RRP12: variants seen among roughly 807,000 people sequenced by gnomAD.
RRP12 encodes RRP12-like protein.
A neutral mutation model predicts 157.3 loss-of-function variants in RRP12; 78 were observed. The observed-to-expected ratio is 0.50, with a 90% CI of 0.41 to 0.60. The LOEUF (loss-of-function observed/expected upper bound fraction) is 0.60. Among genes scored for constraint, RRP12 ranks in the 20% least tolerant of loss-of-function variants. The pLI, the probability that RRP12 is intolerant of heterozygous loss-of-function variation, is 0.00. For synonymous variants in RRP12, 726 were observed against 670.9 expected, an observed-to-expected ratio of 1.08 and a Z score of -1.27; for missense variants, 1,521 against 1,679.9, an observed-to-expected ratio of 0.91 and a Z score of 1.65.
At chr10:97,380,164 T>C (rs1479640549) in intron 13 of RRP12, among the ~76,000 whole-genome samples, 1 of 152,174 alleles carries the variant, frequency 6.6e-6, no homozygotes, top group Admixed American at 6.5e-5. Flanking sequence ...CCTGGCCTCT[T>C]GTATAAAGCC....
At position 97,371,823 on chromosome 10, in the gene RRP12, C is replaced by G. The variant is rs138489812; in HGVS notation, c.2343+250G>C. ...CTGGGGAGTGAGCCAGGCAAAGGAGCATGGCCTTGGTTCTACAAGAGTCAC... is the reference window on the plus strand; with the variant it reads ...CTGGGGAGTGAGCCAGGCAAAGGAGGATGGCCTTGGTTCTACAAGAGTCAC... On this transcript the variant is annotated intron_variant, in intron 20 of 33. Transcript: ENST00000370992. The G allele has an allele frequency of 3.0e-3, 1,262 of 420,858 alleles. 7 individuals are homozygous for G. The highest frequency in any genetic ancestry group is 2.4e-3 in the Non-Finnish European group (545 of 228,036). The allele number at this position is 420,858 out of a possible 1,614,324, so 26.1% of individuals were successfully genotyped here.
intron 25 of RRP12, among the ~76,000 whole-genome samples, chr10:97,368,637 T>C (rs752841386): frequency 3.9e-5 from 6 of 152,340 alleles, no homozygotes; most frequent in Non-Finnish European, 2.9e-5. Context: ...GGGTTACAGG[T>C]GTGAGCCACT....
At position 97,372,815 on chromosome 10, in the gene RRP12, G is replaced by A. The variant is rs756874534; in HGVS notation, c.2182-12C>T. 9.6e-6 allele frequency: 15 copies of A among 1,557,724 alleles called. No individual in the cohort carries two copies. In the East Asian group the frequency reaches 9.6e-5, roughly 10 times the overall value. Reference sequence around the variant, plus strand: ...AGACTGTTCACCAACTTGTGGCCCCGAGGGAATGAGGAGAAGAGAGTCATT... The same window carrying A: ...AGACTGTTCACCAACTTGTGGCCCCAAGGGAATGAGGAGAAGAGAGTCATT... On this transcript the variant is annotated splice_polypyrimidine_tract_variant and intron_variant, in intron 18 of 33. Coordinates refer to ENST00000370992, the MANE Select transcript of RRP12 (RefSeq NM_015179.4).
intron 31 of RRP12, among the ~76,000 whole-genome samples, chr10:97,360,111 G>A (rs1317745838): frequency 6.6e-6 from 1 of 152,228 alleles, no homozygotes; most frequent in East Asian, 1.9e-4. Flanking sequence ...TAGAAATAGA[G>A]GGGAACCCTC....
rs1163316438 is a variant in RRP12 at position 97,370,456 on chromosome 10, T to C, written c.2688A>G (p.Glu896=). The part of the protein sequence containing the change: ...HAFLRFGSNQ[E]EALQCYLVLI... ...CACCCCCAGCCCCCTGGGCCTCACC[T>C]TCCTGGTTCGAGCCAAACCTTAGGA... Residue 896 remains glutamate (E), a splice_region_variant and synonymous_variant, in exon 23 of 34, where the codon GAA becomes GAG. Coordinates refer to ENST00000370992, the MANE Select transcript of RRP12 (RefSeq NM_015179.4). The C allele has an allele frequency of 6.3e-7, 1 of 1,596,566 alleles. No homozygotes were observed. The highest frequency in any genetic ancestry group is 1.8e-5 in the Admixed American group (1 of 56,640).
chr10:97,379,784 G>T lies in RRP12; in HGVS notation c.1534-14C>A. The T allele has an allele frequency of 6.3e-7, 1 of 1,594,618 alleles. No individual in the cohort carries two copies. ...GGACTGGAGGCACTGCAGCAGAGATGAGTGACCACACATCAAGACATGCTC... is the reference window on the plus strand; with the variant it reads ...GGACTGGAGGCACTGCAGCAGAGATTAGTGACCACACATCAAGACATGCTC... On this transcript the variant is annotated splice_polypyrimidine_tract_variant and intron_variant, in intron 13 of 33. Coordinates refer to ENST00000370992, the MANE Select transcript of RRP12 (RefSeq NM_015179.4).
Position 97,370,539 on chromosome 10 carries a change from C to T in RRP12, c.2605G>A (p.Val869Met), listed in dbSNP as rs1249947251. 1 of 1,611,466 alleles carries T rather than the reference C, an allele frequency of 6.2e-7. No homozygotes were observed. The highest frequency in any genetic ancestry group is 1.1e-5 in the South Asian group (1 of 90,970). ...IPEVILCTKE[V>M]SVGARKNAFA... ...GCGTTCTTCCGTGCGCCCACCGACA[C>T]CTCCTTGGTGCACAGGATCACCTGG... Residue 869 changes from valine (V) to methionine (M), a missense_variant, in exon 23 of 34, where the codon GTG becomes ATG. Transcript: ENST00000370992.
chr10:97,366,138 T>G lies in RRP12; in HGVS notation c.3487A>C (p.Asn1163His). 1 of 1,605,102 alleles carries G rather than the reference T, an allele frequency of 6.2e-7. No individual in the cohort carries two copies. The highest frequency in any genetic ancestry group is 8.5e-7 in the Non-Finnish European group (1 of 1,179,774). Residue 1163 changes from asparagine to histidine, a missense_variant, in exon 29 of 34, where the codon AAC (asparagine) becomes CAC (histidine). Physicochemically the swap from Asn to His is moderately conservative, Grantham distance 68. Transcript: ENST00000370992. ...RLIIREEADG[N>H]KMEEEEGAKG... Reference sequence around the variant, plus strand: ...GCACCTTCCTCTTCCTCCATCTTGTTGCCGTCTGCCTCCTCCCTTATGATC... The same window carrying G: ...GCACCTTCCTCTTCCTCCATCTTGTGGCCGTCTGCCTCCTCCCTTATGATC...
At chr10:97,398,041 T>TTA (rs1845032448) in intron 2 of RRP12, among the ~76,000 whole-genome samples, 1 of 40,830 alleles carries the variant, frequency 2.4e-5, no homozygotes, top group African/African-American at 1.3e-4. Flanking sequence ...ATATACGTAT[T>TTA]TTTTTTTTTT....
chr10:97,357,786 G>A (rs919492947), intron 33 of RRP12, among the ~76,000 whole-genome samples: 51 of 151,252 alleles, frequency 3.4e-4, no homozygotes, highest in Admixed American at 2.0e-3. Flanking sequence ...GTGAAACCCC[G>A]TCTCTACTAA....
Position 97,400,548 on chromosome 10 carries a change from G to A in RRP12, c.140-14C>T. 1 of 1,604,884 alleles carries A rather than the reference G, an allele frequency of 6.2e-7. No individual in the cohort carries two copies. ...GGTCACTCCTTCCTGAGAGCCAGAG[G>A]CACAAGATAAGGTCCAAGCCTCCTT... is the stretch of plus-strand genomic sequence containing the variant. On this transcript the variant is annotated splice_polypyrimidine_tract_variant and intron_variant, in intron 1 of 33. Coordinates refer to ENST00000370992, the MANE Select transcript of RRP12 (RefSeq NM_015179.4).
At chr10:97,378,322 C>T (rs1844367322) in intron 15 of RRP12, among the ~76,000 whole-genome samples, 1 of 152,164 alleles carries the variant, frequency 6.6e-6, no homozygotes, top group Non-Finnish European at 1.5e-5. Flanking sequence ...CTAGATGGCA[C>T]AGCCCCTACA....
intron 2 of RRP12, among the ~76,000 whole-genome samples, chr10:97,398,406 C>T (rs1173920346): frequency 7.3e-6 from 1 of 136,700 alleles, no homozygotes; most frequent in African/African-American, 2.8e-5. Flanking sequence ...CAGGCTGAAG[C>T]GCAGTGGTGC....
intron 8 of RRP12, chr10:97,387,941 CAAAAAAAAAAAA>C (rs56225985): frequency 3.0e-4 from 30 of 98,786 alleles, no homozygotes; most frequent in South Asian, 9.5e-4. Context: ...AACTCGGTCT[CAAAAAAAAAAAA>C]AAAAAAAAAA....
chr10:97,365,986 G>A (rs144238697), intron 29 of RRP12, 122 bp downstream of exon 29: 64 of 1,356,062 alleles, frequency 4.7e-5, no homozygotes, highest in Non-Finnish European at 6.1e-5. Context: ...AACTCAAAAA[G>A]TTTGAGGAAG....
chr10:97,360,657 G>C (rs1410851285), intron 30 of RRP12, 39 bp from the exon 31 acceptor site: 1 of 1,506,366 alleles, frequency 6.6e-7, no homozygotes, highest in Non-Finnish European at 9.2e-7. Context: ...GTGAACCAGG[G>C]GATGTGCCCA....
chr10:97,379,163 C>G (rs976534147), intron 15 of RRP12, 130 bp downstream of exon 15: 3 of 1,118,926 alleles, frequency 2.7e-6, no homozygotes, highest in African/African-American at 3.1e-5. Flanking sequence ...GCCACCTGCT[C>G]GGCAGAGGGA....
At chr10:97,370,632 T>C (rs1589418609) in intron 22 of RRP12, 72 bp from the exon 23 acceptor site, 2 of 1,584,012 alleles carry the variant, frequency 1.3e-6, no homozygotes, top group Admixed American at 3.3e-5. Context: ...GTCCTCCCAC[T>C]CCCATCACTG....
chr10:97,366,783 C>CTCT lies in RRP12; in HGVS notation c.3171_3173dup (p.Glu1064dup), dbSNP rs1445120817. The CTCT allele has an allele frequency of 1.2e-6, 2 of 1,611,858 alleles. No homozygotes were observed. The highest frequency in any genetic ancestry group is 1.3e-5 in the African/African-American group (1 of 74,850). ...GGGCGGGCTCCTCCTCCTCCTCCTC[C>CTCT]TCTTCTTCCTCCTCCACGGCAGCCT... On this transcript the variant is annotated inframe_insertion, in exon 27 of 34. Coordinates refer to ENST00000370992, the MANE Select transcript of RRP12 (RefSeq NM_015179.4).
Sources: gnomAD v4.1 joint callset for allele counts (sites outside exome capture counted in the v4.1 genomes callset) on GRCh38, gnomAD v4.1.1 for gene constraint, MANE v1.5 for transcripts, NCBI Gene and HGNC (gene_info 2026-07-23, HGNC 2026-07-21) for gene names.